The following MYT1L variants were observed in gnomAD, a reference collection of about 807,000 sequenced individuals.
The protein encoded by MYT1L is myelin transcription factor 1-like protein.
Under a neutral mutation model 126.7 loss-of-function variants are expected in MYT1L, and 12 were observed. The ratio of observed to expected loss-of-function variants is 0.09; its 90% CI spans 0.06 to 0.15. MYT1L has a LOEUF of 0.15. Among genes scored for constraint, MYT1L ranks in the 10% least tolerant of loss-of-function variants. The pLI is 1.00. For synonymous variants in MYT1L, 541 were observed against 604.2 expected (o/e 0.90, Z 1.53); for missense variants, 979 against 1,585.2 (o/e 0.62, Z 6.49).
chr2:2,040,892 T>C (rs1055564477), intron 4 of MYT1L, among the ~76,000 whole-genome samples: 8 of 152,188 alleles, frequency 5.3e-5, no homozygotes, highest in East Asian at 3.8e-4. Flanking sequence ...TTTGTTGAAA[T>C]TGCTAATTCT....
At chr2:1,984,116 G>A (rs371476072) in intron 5 of MYT1L, among the ~76,000 whole-genome samples, 1 of 152,120 alleles carries the variant, frequency 6.6e-6, no homozygotes. Flanking sequence ...CTTTACATTT[G>A]GACTCAGGAT....
chr2:2,312,322 C>T (rs1559639877), intron 1 of MYT1L, among the ~76,000 whole-genome samples: 1 of 152,138 alleles, frequency 6.6e-6, no homozygotes, highest in Non-Finnish European at 1.5e-5. Flanking sequence ...CCTGCATGCA[C>T]TTCTATGGCC....
chr2:2,130,301 C>T (rs1379310680), intron 3 of MYT1L, among the ~76,000 whole-genome samples: 1 of 151,652 alleles, frequency 6.6e-6, no homozygotes, highest in Non-Finnish European at 1.5e-5. Context: ...CTGGCCAAAA[C>T]TCCAAAGATT....
intron 13 of MYT1L, among the ~76,000 whole-genome samples, chr2:1,906,934 T>A (rs1170531553): frequency 6.7e-6 from 1 of 149,732 alleles, no homozygotes; most frequent in African/African-American, 2.4e-5. Flanking sequence ...ATAATAATAA[T>A]AAATAAATAA....
Position 1,910,601 on chromosome 2 carries a change from C to T in MYT1L, c.1710-254G>A, listed in dbSNP as rs977219471. On this transcript the variant is annotated intron_variant, in intron 12 of 24. Coordinates refer to ENST00000647738, the MANE Select transcript of MYT1L (RefSeq NM_001303052.2). This position sits in a 1 kb window ranked among gnomAD's most constrained non-coding sequence, Gnocchi z 4.8. Reference sequence around the variant, plus strand: ...TATGTGTGAGGTGTATTCAATCCTTCCCAATGAGAGCATCCCAGCTCCCAT... The same window carrying T: ...TATGTGTGAGGTGTATTCAATCCTTTCCAATGAGAGCATCCCAGCTCCCAT... Among the ~76,000 whole-genome samples the T allele has an allele frequency of 3.9e-5, 6 of 152,128 alleles. No homozygotes were observed. The South Asian group carries it at 1.2e-3, about 32-fold the overall frequency.
At position 2,068,781 on chromosome 2, in the gene MYT1L, T is replaced by G. The variant is rs1460857530; in HGVS notation, c.-303-14658A>C. ...CTGTGTTCTTCTTGTTTTTTTTTTTTTTTTTTTTTTTTTTTTTCATATGTA... is the reference window on the plus strand; with the variant it reads ...CTGTGTTCTTCTTGTTTTTTTTTTTGTTTTTTTTTTTTTTTTTCATATGTA... On this transcript the variant is annotated intron_variant, in intron 3 of 24. Coordinates refer to ENST00000647738, the MANE Select transcript of MYT1L (RefSeq NM_001303052.2). 2.2e-4 allele frequency among the ~76,000 whole-genome samples: 31 copies of G among 138,262 alleles called. 1 individual carries two copies. The highest frequency in any genetic ancestry group is 9.9e-4 in the South Asian group (4 of 4,026). The allele number at this position is 138,262 out of a possible 152,430, so 90.7% of individuals were successfully genotyped here.
At chr2:1,886,289 T>G in intron 18 of MYT1L, 1 of 364,362 alleles carries the variant, frequency 2.7e-6, no homozygotes. Context: ...CACCCATGCT[T>G]TAGGATATCC....
At chr2:2,016,305 G>C (rs1189164246) in intron 4 of MYT1L, among the ~76,000 whole-genome samples, 1 of 152,234 alleles carries the variant, frequency 6.6e-6, no homozygotes, top group Non-Finnish European at 1.5e-5. Context: ...AAGATGGAGA[G>C]GGTCAGGAAG....
chr2:2,230,489 G>A (rs2094134861), intron 2 of MYT1L, among the ~76,000 whole-genome samples: 1 of 152,218 alleles, frequency 6.6e-6, no homozygotes, highest in Non-Finnish European at 1.5e-5. Flanking sequence ...CAGAATTCTT[G>A]TTCGGTGACT....
In MYT1L at chr2:2,255,374, C is replaced by T. The variant is rs532313395; in HGVS notation, c.-421+29030G>A. Among the ~76,000 whole-genome samples the T allele has an allele frequency of 1.1e-3, 170 of 152,230 alleles. 1 individual carries two copies. Among genetic ancestry groups the T allele is most frequent in the South Asian group, 2.5e-3 (12 of 4,820 alleles). ...AGTTTTTAAGCACAAGCCTCATCTT[C>T]CTGCTCAGCCCTAAGCCTCCTCACA... is the stretch of plus-strand genomic sequence containing the variant. On this transcript the variant is annotated intron_variant, in intron 2 of 24. Transcript: ENST00000647738.
At chr2:1,953,345 C>T (rs1415916328) in intron 8 of MYT1L, among the ~76,000 whole-genome samples, 1 of 152,194 alleles carries the variant, frequency 6.6e-6, no homozygotes, top group Admixed American at 6.5e-5. Context: ...CCACAGTCAC[C>T]CTTCACAACT....
At chr2:2,116,989 G>A (rs1414620528) in intron 3 of MYT1L, among the ~76,000 whole-genome samples, 1 of 152,230 alleles carries the variant, frequency 6.6e-6, no homozygotes. Context: ...GGCAGTGGGA[G>A]AGCTATGAGA....
chr2:2,115,890 C>T (rs569969971), intron 3 of MYT1L, among the ~76,000 whole-genome samples: 11 of 150,216 alleles, frequency 7.3e-5, no homozygotes, highest in African/African-American at 2.0e-4. Context: ...GGATGCACCA[C>T]GTCCAGTCGA....
At chr2:2,316,743 G>A (rs1373089975) in intron 1 of MYT1L, among the ~76,000 whole-genome samples, 1 of 152,172 alleles carries the variant, frequency 6.6e-6, no homozygotes, top group African/African-American at 2.4e-5. Context: ...TAACTTAAGG[G>A]AAAGTTAGGT....
At chr2:1,898,752 C>T (rs955671970) in intron 14 of MYT1L, among the ~76,000 whole-genome samples, 2 of 152,204 alleles carry the variant, frequency 1.3e-5, no homozygotes, top group Non-Finnish European at 2.9e-5. Context: ...GAGGAGAAAA[C>T]TTCACCAGGG....
intron 4 of MYT1L, among the ~76,000 whole-genome samples, chr2:2,053,635 G>A (rs1269560556): frequency 6.6e-6 from 1 of 152,108 alleles, no homozygotes; most frequent in African/African-American, 2.4e-5. Context: ...AATGGACACA[G>A]GGATCTGATT....
At chr2:1,947,866 T>G (rs2057378267) in intron 8 of MYT1L, among the ~76,000 whole-genome samples, 1 of 152,220 alleles carries the variant, frequency 6.6e-6, no homozygotes, top group African/African-American at 2.4e-5. Flanking sequence ...AAGCAGGGTT[T>G]GGTTTAATAT....
intron 2 of MYT1L, among the ~76,000 whole-genome samples, chr2:2,263,970 A>G (rs556423717): frequency 6.6e-6 from 1 of 152,208 alleles, no homozygotes; most frequent in African/African-American, 2.4e-5. Context: ...AAAAAATCCT[A>G]TAAAGAATGG....
At chr2:2,073,177 AG>A (rs1280372978) in intron 3 of MYT1L, among the ~76,000 whole-genome samples, 9 of 152,288 alleles carry the variant, frequency 5.9e-5, no homozygotes, top group Non-Finnish European at 1.2e-4. Flanking sequence ...GGATTTTTAG[AG>A]GACACAAACA....
Sources: allele counts gnomAD v4.1 joint callset (sites outside exome capture counted in the v4.1 genomes callset), GRCh38; gene constraint gnomAD v4.1.1; non-coding constraint Gnocchi (gnomAD v3.1); transcripts MANE v1.5; gene names NCBI Gene and HGNC (gene_info 2026-07-23, HGNC 2026-07-21).